The following NDUFA8 variants were observed in gnomAD, a reference collection of about 807,000 sequenced individuals.
NDUFA8 encodes NADH:ubiquinone oxidoreductase subunit A8, also known as NADH dehydrogenase [ubiquinone] 1 alpha subcomplex subunit 8.
A neutral mutation model predicts 20.9 loss-of-function variants in NDUFA8; 16 were observed. That is an observed-to-expected ratio of 0.77 (90% CI 0.52 to 1.16). The LOEUF (loss-of-function observed/expected upper bound fraction) is 1.16. NDUFA8 is among the 50% of genes most tolerant of loss of function. The pLI is 0.00. For synonymous variants in NDUFA8, 70 were observed against 76.1 expected, an observed-to-expected ratio of 0.92 and a Z score of 0.41; for missense variants, 202 against 216.4, an observed-to-expected ratio of 0.93 and a Z score of 0.42.
At chr9:122,147,963 G>A (rs918452624) in intron 3 of NDUFA8, 149 bp downstream of exon 3, 3 of 1,002,108 alleles carry the variant, frequency 3.0e-6, no homozygotes, top group African/African-American at 3.2e-5. Context: ...TTTCTGGATT[G>A]TGTATAATCA....
the NDUFA8 span, among the ~76,000 whole-genome samples, chr9:122,137,318 T>G: frequency 4.1e-4 from 57 of 138,786 alleles, no homozygotes; most frequent in Non-Finnish European, 7.6e-4. Flanking sequence ...TCTTCACTCA[T>G]GCAGACTCTG....
At chr9:122,139,788 A>G (rs1828795789), downstream of NDUFA8, among the ~76,000 whole-genome samples, 1 of 152,124 alleles carries the variant, frequency 6.6e-6, no homozygotes, top group African/African-American at 2.4e-5. Context: ...CCACCTCCCA[A>G]GTTCAAATGA....
At chr9:122,156,951 G>C (rs889686331) in intron 1 of NDUFA8, among the ~76,000 whole-genome samples, 1 of 152,094 alleles carries the variant, frequency 6.6e-6, no homozygotes, top group Non-Finnish European at 1.5e-5. Flanking sequence ...CTGCTACCGT[G>C]ATCTCCCTAA....
the NDUFA8 span, among the ~76,000 whole-genome samples, chr9:122,134,530 C>A: frequency 6.6e-6 from 1 of 152,200 alleles, no homozygotes; most frequent in Non-Finnish European, 1.5e-5. Flanking sequence ...CAGTAATTAT[C>A]ATTTCCACCA....
chr9:122,151,189 T>C (rs74660106), intron 2 of NDUFA8, among the ~76,000 whole-genome samples: 5,396 of 152,244 alleles, frequency 0.035, 130 homozygotes, highest in Middle Eastern at 0.054. Context: ...TCTAACTTCA[T>C]TGTAGTGGAC....
chr9:122,145,365 T>A (rs1828891230), intron 3 of NDUFA8, among the ~76,000 whole-genome samples: 1 of 152,140 alleles, frequency 6.6e-6, no homozygotes, highest in Non-Finnish European at 1.5e-5. Context: ...CAGTATCCCC[T>A]GATGGTCACA....
intron 1 of NDUFA8, among the ~76,000 whole-genome samples, chr9:122,158,170 CAAA>C (rs1169520404): frequency 6.6e-6 from 1 of 152,010 alleles, no homozygotes; most frequent in Admixed American, 6.6e-5. Flanking sequence ...AACAAACAAA[CAAA>C]ACACTTAACA....
chr9:122,136,969 G>C, the NDUFA8 span, among the ~76,000 whole-genome samples: 1 of 152,228 alleles, frequency 6.6e-6, no homozygotes, highest in Admixed American at 6.5e-5. Context: ...TCTCCTCCAA[G>C]GTCCCAAGCA....
rs1423679530 is a variant in NDUFA8 at position 122,152,286 on chromosome 9, C to T, written c.174G>A (p.Glu58=). The change falls in exon 2 of 4, where the codon GAG becomes GAA. Residue 58 remains glutamate (E), a synonymous_variant. Coordinates refer to ENST00000373768, the MANE Select transcript of NDUFA8 (RefSeq NM_014222.3). ...CACACTTGTTGACCAGTTTGCCTTC[C>T]TCTAAACACCGCCTCGGATCTTTCT... is the stretch of plus-strand genomic sequence containing the variant. ...WEEKDPRRCL[E]EGKLVNKCAL... The T allele has an allele frequency of 1.9e-6, 3 of 1,614,214 alleles. No homozygotes were observed. The African/African-American group carries it at 4.0e-5, about 22-fold the overall frequency.
At chr9:122,148,860 GTTATA>G (rs971096655) in intron 2 of NDUFA8, among the ~76,000 whole-genome samples, 6 of 152,032 alleles carry the variant, frequency 3.9e-5, no homozygotes, top group Non-Finnish European at 8.8e-5. Flanking sequence ...CAAGAACAAA[GTTATA>G]TTATATTTGG....
chr9:122,151,502 C>T (rs141502871), intron 2 of NDUFA8, among the ~76,000 whole-genome samples: 497 of 152,344 alleles, frequency 3.3e-3, no homozygotes, highest in Non-Finnish European at 5.0e-3. Context: ...AGAACAGCAA[C>T]TCGAGTGGCT....
chr9:122,138,865 T>TGGGGGTGGG, the NDUFA8 span, among the ~76,000 whole-genome samples: 1 of 89,384 alleles, frequency 1.1e-5, no homozygotes, highest in Non-Finnish European at 2.2e-5. Context: ...CAAGAAGAGG[T>TGGGGGTGGG]GGGGGGGGGG....
downstream of NDUFA8, among the ~76,000 whole-genome samples, chr9:122,143,755 T>C (rs1828854128): frequency 6.6e-6 from 1 of 152,250 alleles, no homozygotes; most frequent in African/African-American, 2.4e-5. Flanking sequence ...TCTGCACTTC[T>C]ATCCTGGAGG....
At chr9:122,156,572 T>C (rs1425189100) in intron 1 of NDUFA8, among the ~76,000 whole-genome samples, 1 of 152,258 alleles carries the variant, frequency 6.6e-6, no homozygotes, top group Admixed American at 6.5e-5. Flanking sequence ...TTATCAAATG[T>C]GTCCAAGGAC....
the NDUFA8 span, among the ~76,000 whole-genome samples, chr9:122,138,193 A>G: frequency 6.6e-6 from 1 of 152,268 alleles, no homozygotes; most frequent in East Asian, 1.9e-4. Flanking sequence ...GAGCAGCAGA[A>G]TTGATTAAAA....
intron 3 of NDUFA8, among the ~76,000 whole-genome samples, chr9:122,146,427 T>A (rs1828905584): frequency 6.6e-6 from 1 of 152,234 alleles, no homozygotes; most frequent in Non-Finnish European, 1.5e-5. Flanking sequence ...GTTTTATTTG[T>A]TACATGTATA....
intron 1 of NDUFA8, among the ~76,000 whole-genome samples, chr9:122,159,244 C>G (rs1829135395): frequency 6.6e-6 from 1 of 152,160 alleles, no homozygotes; most frequent in South Asian, 2.1e-4. Flanking sequence ...GGTAGATGAC[C>G]GTCTCCCTCG....
chr9:122,150,545 G>A (rs374266397), intron 2 of NDUFA8, among the ~76,000 whole-genome samples: 24 of 151,262 alleles, frequency 1.6e-4, no homozygotes, highest in Admixed American at 6.6e-4. Flanking sequence ...TGATCTATAC[G>A]CAAAGGTAAT....
At chr9:122,151,055 A>G (rs1347328481) in intron 2 of NDUFA8, among the ~76,000 whole-genome samples, 2 of 152,178 alleles carry the variant, frequency 1.3e-5, no homozygotes, top group Non-Finnish European at 2.9e-5. Flanking sequence ...TCAAGTGAAA[A>G]ATGAATTTCT....
Sources: gnomAD v4.1 joint callset for allele counts (sites outside exome capture counted in the v4.1 genomes callset) on GRCh38, gnomAD v4.1.1 for gene constraint, MANE v1.5 for transcripts, NCBI Gene and HGNC (gene_info 2026-07-23, HGNC 2026-07-21) for gene names.